Variants in SEH1L observed in about 807,000 individuals in gnomAD.
SEH1L encodes the protein nucleoporin SEH1.
A neutral mutation model predicts 49.5 loss-of-function variants in SEH1L; 18 were observed. That is an observed-to-expected ratio of 0.36 (90% CI 0.25 to 0.54). The LOEUF is 0.54. Among genes scored for constraint, SEH1L ranks in the 20% least tolerant of loss-of-function variants. SEH1L has a pLI of 0.87. For missense variants in SEH1L, 404 were observed against 528.8 expected (o/e 0.76, Z 2.31); for synonymous variants, 169 against 178.1 (o/e 0.95, Z 0.41).
In SEH1L at chr18:12,971,166, T is replaced by C; in HGVS notation, c.535T>C (p.Ser179Pro). Residue 179 changes from serine to proline, a missense_variant, in exon 5 of 9, where the codon TCC becomes CCC. By Grantham distance (74) the Ser-to-Pro change is moderately conservative. This residue lies in a region of SEH1L where 342 missense variants were observed against 430.8 expected (regional missense o/e 0.79). Transcript: ENST00000399892. ...SWNPSSSRAH[S>P]PMIAVGSDDS... The stretch of plus-strand genomic sequence containing the variant: ...CCCCGTTTCTAGCTCTCGTGCTCAT[T>C]CCCCCATGATCGCCGTAGGAAGTGA... The C allele has an allele frequency of 6.2e-7, 1 of 1,612,786 alleles. No individual in the cohort carries two copies. The highest frequency in any genetic ancestry group is 8.5e-7 in the Non-Finnish European group (1 of 1,178,938).
chr18:12,975,720 A>G, intron 5 of SEH1L: 1 of 985,982 alleles, frequency 1.0e-6, no homozygotes, highest in Non-Finnish European at 1.2e-6. Context: ...ACAAGGTTGT[A>G]TTTACCTTTT....
chr18:12,948,408 A>G (rs2030253754), intron 1 of SEH1L, 176 bp downstream of exon 1: 4 of 495,662 alleles, frequency 8.1e-6, no homozygotes, highest in African/African-American at 6.2e-5. Flanking sequence ...TTGTGGGGTC[A>G]CGGCGGCCTC....
intron 4 of SEH1L, among the ~76,000 whole-genome samples, chr18:12,968,604 A>G (rs1396577391): frequency 1.3e-5 from 2 of 151,488 alleles, no homozygotes; most frequent in Admixed American, 6.6e-5. Context: ...TTTCCTTTGT[A>G]TTTTCTTTCT....
intron 5 of SEH1L, chr18:12,974,699 A>C (rs1314897430): frequency 6.6e-6 from 1 of 152,234 alleles, no homozygotes; most frequent in Admixed American, 6.5e-5. Flanking sequence ...TCTAGGATTG[A>C]TAGTGATAAT....
intron 5 of SEH1L, chr18:12,978,537 T>G (rs1217957435): frequency 8.9e-6 from 4 of 447,444 alleles, no homozygotes; most frequent in African/African-American, 7.8e-5. Flanking sequence ...GGTCCTTAAT[T>G]ACATTTTCAA....
chr18:12,971,192 T>C lies in SEH1L; in HGVS notation c.561T>C (p.Asp187=). ...CCCCCATGATCGCCGTAGGAAGTGA[T>C]GACAGTAGCCCCAACGCAATGGCCA... ...AHSPMIAVGS[D]DSSPNAMAKV... The change falls in exon 5 of 9, where the codon GAT becomes GAC. Residue 187 remains aspartate (D), a synonymous_variant. Transcript: ENST00000399892. 2 of 1,614,076 alleles carry C rather than the reference T, an allele frequency of 1.2e-6. No individual in the cohort carries two copies. The highest frequency in any genetic ancestry group is 2.7e-5 in the African/African-American group (2 of 75,056).
chr18:12,985,450 C>T, intron 8 of SEH1L: 12 of 1,292,560 alleles, frequency 9.3e-6, no homozygotes, highest in Non-Finnish European at 1.2e-5. Context: ...AGTTTATTGA[C>T]ACTATTTGAA....
At chr18:12,952,821 G>A (rs1339023094) in intron 2 of SEH1L, among the ~76,000 whole-genome samples, 7 of 132,526 alleles carry the variant, frequency 5.3e-5, no homozygotes, top group African/African-American at 1.7e-4. Context: ...TTGCTCTGTC[G>A]CCCAGGCTGG....
rs1338802020 is a variant in SEH1L, at chr18:12,987,189, G to T, written c.*132G>T. ...GTCTGTCTTGCATGTATTACAACCA[G>T]AATACAGTGTTTGGAACCTAAATCT... is the stretch of plus-strand genomic sequence containing the variant. On this transcript the variant is annotated 3_prime_UTR_variant, in exon 9 of 9. Coordinates refer to ENST00000399892, the MANE Select transcript of SEH1L (RefSeq NM_001013437.2). 9 of 586,008 alleles carry T rather than the reference G, an allele frequency of 1.5e-5. No individual in the cohort carries two copies. Among genetic ancestry groups the T allele is most frequent in the South Asian group, 2.6e-5 (1 of 38,338 alleles). 36.3% of individuals were successfully genotyped at this position (586,008 alleles called of 1,614,324 possible).
intron 6 of SEH1L, 71 bp from the exon 7 acceptor site, chr18:12,982,447 A>G (rs1049321032): frequency 8.8e-5 from 95 of 1,082,654 alleles, no homozygotes; most frequent in Non-Finnish European, 3.0e-5. Context: ...GTGTATATAT[A>G]TATGTGTGTG....
chr18:12,986,799 T>TTC, intron 8 of SEH1L, 63 bp from the exon 9 acceptor site: 1 of 1,216,336 alleles, frequency 8.2e-7, no homozygotes, highest in Non-Finnish European at 1.0e-6. Flanking sequence ...TCTCTTTTTC[T>TTC]TGTGTTTTTT....
At chr18:12,980,766 C>T (rs1304875399) in intron 6 of SEH1L, among the ~76,000 whole-genome samples, 25 of 31,498 alleles carry the variant, frequency 7.9e-4, no homozygotes, top group Non-Finnish European at 9.7e-4. Flanking sequence ...CCAGTAGGGG[C>T]GGCCGGGCAG....
chr18:12,964,916 G>C (rs1568217358), intron 4 of SEH1L, among the ~76,000 whole-genome samples: 1 of 151,544 alleles, frequency 6.6e-6, no homozygotes, highest in Non-Finnish European at 1.5e-5. Context: ...TAGGATTACA[G>C]GTGTGAGCCA....
At chr18:12,977,487 G>A (rs939181853) in intron 5 of SEH1L, 2 of 152,270 alleles carry the variant, frequency 1.3e-5, no homozygotes, top group African/African-American at 2.4e-5. Flanking sequence ...CACTTTGGGA[G>A]GCAGAGGCGG....
chr18:12,948,098 G>T lies in SEH1L; in HGVS notation c.-24G>T. ...CGCTGCCGCCGCCACTGTCCTCTTC[G>T]GAGGCGCGGGCCCGACGGAAACCAT... On this transcript the variant is annotated 5_prime_UTR_variant, in exon 1 of 9. Coordinates refer to ENST00000399892, the MANE Select transcript of SEH1L (RefSeq NM_001013437.2). 1 of 1,590,536 alleles carries T rather than the reference G, an allele frequency of 6.3e-7. No individual in the cohort carries two copies.
At chr18:12,982,754 ATT>A (rs1454116706) in intron 7 of SEH1L, 79 bp downstream of exon 7, 5 of 1,171,526 alleles carry the variant, frequency 4.3e-6, no homozygotes, top group Non-Finnish European at 4.8e-6. Context: ...ACTCTGAAAT[ATT>A]TTTTGAAAAT....
chr18:12,980,374 ACC>A (rs2032157455), intron 6 of SEH1L, among the ~76,000 whole-genome samples: 2 of 79,570 alleles, frequency 2.5e-5, no homozygotes, highest in Non-Finnish European at 4.9e-5. Context: ...CGGGGGGCTG[ACC>A]CCCCCACCTC....
At chr18:12,953,655 G>T (rs1311061609) in intron 2 of SEH1L, among the ~76,000 whole-genome samples, 1 of 151,788 alleles carries the variant, frequency 6.6e-6, no homozygotes, top group Non-Finnish European at 1.5e-5. Flanking sequence ...TCTATCCAAG[G>T]TCCCCCCCCC....
chr18:12,969,256 G>T (rs1021865316), intron 4 of SEH1L, among the ~76,000 whole-genome samples: 2 of 123,412 alleles, frequency 1.6e-5, no homozygotes, highest in African/African-American at 6.7e-5. Context: ...AAACAACAAA[G>T]AATTTTTAAA....
Sources: gnomAD v4.1 joint callset for allele counts (sites outside exome capture counted in the v4.1 genomes callset) on GRCh38, gnomAD v4.1.1 for gene constraint, gnomAD v4.1.1 regional missense constraint, MANE v1.5 for transcripts, NCBI Gene and HGNC (gene_info 2026-07-23, HGNC 2026-07-21) for gene names.